APOH: variants seen among roughly 807,000 people sequenced by gnomAD.
APOH encodes the protein apolipoprotein H, also known as beta-2-glycoprotein 1.
Under a neutral mutation model 39.8 loss-of-function variants are expected in APOH, and 48 were observed. That is an observed-to-expected ratio of 1.21 (90% confidence interval 0.96 to 1.54). The LOEUF (loss-of-function observed/expected upper bound fraction) is 1.54. Ranked by LOEUF, APOH falls within the 40% of genes most tolerant of loss-of-function variation. The pLI is 0.00. For synonymous variants in APOH, 153 were observed against 151.1 expected (o/e 1.01, Z -0.09); for missense variants, 415 against 421.2 (o/e 0.99, Z 0.13).
At chr17:66,223,574 C>A in intron 4 of APOH, 124 bp downstream of exon 4, 3 of 795,152 alleles carry the variant, frequency 3.8e-6, no homozygotes, top group Admixed American at 2.4e-5. Flanking sequence ...GATGAATATC[C>A]CCCACAAGGG....
intron 2 of APOH, among the ~76,000 whole-genome samples, chr17:66,226,427 C>T (rs1207196432): frequency 6.6e-6 from 1 of 152,156 alleles, no homozygotes; most frequent in African/African-American, 2.4e-5. Context: ...CACTTGAGGT[C>T]AGGAATTTGA....
At chr17:66,224,671 GGGAAGGGAAGGGAAGGGAAGGGAAA>G (rs1567741716) in intron 3 of APOH, among the ~76,000 whole-genome samples, 53 of 37,342 alleles carry the variant, frequency 1.4e-3, no homozygotes, top group African/African-American at 3.8e-3. Context: ...GGGAAGGGAA[GGGAAGGGAAGGGAAGGGAAGGGAAA>G]GGAAAGGAAA....
rs1302407354 is a variant in APOH, at chr17:66,223,747, G to A, written c.366C>T (p.Ala122=). ...TGFYLNGADS[A]KCTEEGKWSP... is the part of the protein sequence containing the mutation. ...TCCATTTTCCTTCCTCAGTGCACTTGGCAGAATCAGCGCCATTCAGATAAA... is the reference window on the plus strand; with the variant it reads ...TCCATTTTCCTTCCTCAGTGCACTTAGCAGAATCAGCGCCATTCAGATAAA... The change falls in exon 4 of 8, where the codon GCC becomes GCT. Residue 122 remains alanine, a synonymous_variant. Transcript: ENST00000205948. The A allele has an allele frequency of 6.2e-7, 1 of 1,614,060 alleles. No individual in the cohort carries two copies. The highest frequency in any genetic ancestry group is 1.3e-5 in the African/African-American group (1 of 74,916).
chr17:66,224,378 G>T (rs2073421376), intron 3 of APOH, among the ~76,000 whole-genome samples: 1 of 141,304 alleles, frequency 7.1e-6, no homozygotes, highest in Admixed American at 7.6e-5. Context: ...GTGGAAGGAA[G>T]GATTCAAAAG....
chr17:66,216,489 A>G (rs1161857384), intron 6 of APOH, among the ~76,000 whole-genome samples: 2 of 152,082 alleles, frequency 1.3e-5, no homozygotes, highest in Non-Finnish European at 2.9e-5. Flanking sequence ...ATCTCAAAAA[A>G]AAAAAAAAAG....
chr17:66,219,615 AAT>A (rs1179601639), intron 5 of APOH, among the ~76,000 whole-genome samples: 1 of 152,202 alleles, frequency 6.6e-6, no homozygotes, highest in Non-Finnish European at 1.5e-5. Context: ...TGGAGAAGTT[AAT>A]AGTCACGAGA....
rs115738262 is a variant in APOH at position 66,226,616 on chromosome 17, G to A, written c.242-492C>T. Among the ~76,000 whole-genome samples, 578 of 97,316 alleles carry A rather than the reference G, an allele frequency of 5.9e-3. 5 individuals carry two copies. Among genetic ancestry groups the A allele is most frequent in the African/African-American group, 0.027 (537 of 19,842 alleles). 63.8% of individuals were successfully genotyped at this position (97,316 alleles called of 152,430 possible). On this transcript the variant is annotated intron_variant, in intron 2 of 7. Transcript: ENST00000205948. ...GCACTGGGCAATAGAGTGAGACTCC[G>A]TCTCCAAAAAAAAAAAAAAAATTGG...
intron 4 of APOH, 32 bp from the exon 5 acceptor site, chr17:66,220,774 A>G (rs1437425547): frequency 2.5e-6 from 4 of 1,573,494 alleles, no homozygotes; most frequent in Non-Finnish European, 3.5e-6. Flanking sequence ...ATTTCTATGA[A>G]AATAGTTAAG....
At chr17:66,212,760 A>T (rs2073343680) in intron 7 of APOH, among the ~76,000 whole-genome samples, 1 of 152,230 alleles carries the variant, frequency 6.6e-6, no homozygotes, top group African/African-American at 2.4e-5. Context: ...TTAAAGGGGA[A>T]AAAACAGTAT....
At position 66,216,839 on chromosome 17, in the gene APOH, C is replaced by A; in HGVS notation, c.733G>T (p.Glu245Ter). Reference protein sequence around the residue: ...HDGYSLDGPEEIECTKLGNWS... With the variant: ...HDGYSLDGPE ...TTTCCCAGTTTGGTACATTCTATTT[C>A]TTCCGGGCCATCCAGAGAATATCCA... Residue 245 changes from glutamate (E) to a stop codon, truncating the protein, a stop_gained, in exon 6 of 8, where the codon GAA becomes TAA. Transcript: ENST00000205948. LOFTEE classifies it high-confidence loss of function. The A allele has an allele frequency of 6.2e-7, 1 of 1,611,420 alleles. No individual in the cohort carries two copies. Among genetic ancestry groups the A allele is most frequent in the East Asian group, 2.2e-5 (1 of 44,726 alleles).
chr17:66,212,098 A>T lies in APOH; in HGVS notation c.*35T>A. On this transcript the variant is annotated 3_prime_UTR_variant, in exon 8 of 8. Coordinates refer to ENST00000205948, the MANE Select transcript of APOH (RefSeq NM_000042.3). ...TAGGTTCCTTGGATGAACAAGAAAC[A>T]AGTGTGACATTTTGTGTGGAATCTG... 1 of 1,568,306 alleles carries T rather than the reference A, an allele frequency of 6.4e-7. No homozygotes were observed. Among genetic ancestry groups the T allele is most frequent in the South Asian group, 1.1e-5 (1 of 89,400 alleles).
chr17:66,216,087 G>A (rs149957085), intron 6 of APOH, among the ~76,000 whole-genome samples: 2 of 149,352 alleles, frequency 1.3e-5, no homozygotes, highest in African/African-American at 2.5e-5. Flanking sequence ...GTAATCACTC[G>A]AACCTGGGAG....
At chr17:66,224,492 G>A (rs72837191) in intron 3 of APOH, among the ~76,000 whole-genome samples, 40,765 of 75,120 alleles carry the variant, frequency 0.54, 11,316 homozygotes, top group East Asian at 0.81. Context: ...AAAAAAAAAA[G>A]AAAAGAAAAG....
intron 7 of APOH, among the ~76,000 whole-genome samples, chr17:66,213,382 C>A (rs1254576935): frequency 1.3e-5 from 2 of 152,134 alleles, no homozygotes; most frequent in African/African-American, 2.4e-5. Flanking sequence ...CTAATGGATA[C>A]TTTGCTCTAA....
intron 3 of APOH, among the ~76,000 whole-genome samples, chr17:66,225,574 C>G (rs1389706240): frequency 1.3e-5 from 2 of 152,202 alleles, no homozygotes; most frequent in Non-Finnish European, 2.9e-5. Flanking sequence ...TGTACCTCCT[C>G]TGAGATAATT....
At chr17:66,226,298 G>A (rs1366094480) in intron 2 of APOH, among the ~76,000 whole-genome samples, 174 bp from the exon 3 acceptor site, 1 of 152,156 alleles carries the variant, frequency 6.6e-6, no homozygotes, top group African/African-American at 2.4e-5. Flanking sequence ...AATAAGACAA[G>A]TGATATATGT....
At chr17:66,226,799 C>T (rs192373040) in intron 2 of APOH, among the ~76,000 whole-genome samples, 1 of 152,074 alleles carries the variant, frequency 6.6e-6, no homozygotes, top group Non-Finnish European at 1.5e-5. Context: ...TATACCTGCT[C>T]TCTGCAGTAA....
At chr17:66,221,295 C>CGAAGGAAGGG (rs2073398731) in intron 4 of APOH, among the ~76,000 whole-genome samples, 1 of 48,410 alleles carries the variant, frequency 2.1e-5, no homozygotes, top group African/African-American at 8.0e-5. Flanking sequence ...GGAAGGAAGT[C>CGAAGGAAGGG]AGAAGGGAGG....
At chr17:66,218,581 A>G (rs1160940813) in intron 5 of APOH, among the ~76,000 whole-genome samples, 1 of 152,196 alleles carries the variant, frequency 6.6e-6, no homozygotes, top group Non-Finnish European at 1.5e-5. Context: ...TGCAGAATGT[A>G]TTCTTAACAG....
Sources: allele counts gnomAD v4.1 joint callset (sites outside exome capture counted in the v4.1 genomes callset), GRCh38; gene constraint gnomAD v4.1.1; transcripts MANE v1.5; gene names NCBI Gene and HGNC (gene_info 2026-07-23, HGNC 2026-07-21).